Variants in NDRG3 observed in about 807,000 individuals in gnomAD.
The protein encoded by NDRG3 is NDRG family member 3, also known as protein NDRG3.
NDRG3 carries 23 observed loss-of-function variants against 57.2 expected under a neutral mutation model. That is an observed-to-expected ratio of 0.40 (90% CI 0.29 to 0.57). The LOEUF is 0.57. Among genes scored for constraint, NDRG3 ranks in the 20% least tolerant of loss-of-function variants. The probability of loss-of-function intolerance (pLI) is 0.42; values close to 1 mark genes in which losing one functional copy is unlikely to be tolerated. For synonymous variants in NDRG3, 132 were observed against 162.6 expected (o/e 0.81, Z 1.43); for missense variants, 384 against 457.3 (o/e 0.84, Z 1.46).
At chr20:36,671,424 G>A in intron 8 of NDRG3, 27 bp from the exon 9 acceptor site, 2 of 1,597,700 alleles carry the variant, frequency 1.3e-6, no homozygotes, top group Admixed American at 3.4e-5. Context: ...TCTGTGTTAA[G>A]AATGTAAGCA....
chr20:36,727,574 G>A (rs543070603), intron 1 of NDRG3, among the ~76,000 whole-genome samples: 12 of 135,552 alleles, frequency 8.9e-5, no homozygotes, highest in South Asian at 2.4e-4. Context: ...ACGGAGTCTC[G>A]CTCTGTCGCC....
At chr20:36,744,965 T>TC (rs1986111546) in intron 1 of NDRG3, among the ~76,000 whole-genome samples, 3 of 17,564 alleles carry the variant, frequency 1.7e-4, no homozygotes, top group South Asian at 2.2e-3. Context: ...AGGGCCAGGG[T>TC]AAGGGGGGGG....
chr20:36,739,441 C>T (rs1180800077), intron 1 of NDRG3, among the ~76,000 whole-genome samples: 1 of 141,068 alleles, frequency 7.1e-6, no homozygotes, highest in Non-Finnish European at 1.5e-5. Context: ...AGTGAGACTC[C>T]GCCTCAAAAA....
In NDRG3 at chr20:36,652,078, T is replaced by G. The variant is rs1662142480; in HGVS notation, c.*1442A>C. Reference sequence around the variant, plus strand: ...CCTGGACAGGGCTACCCCTACAGATTGGCCCTTTCTCTCCTACAAAAGGGA... The same window carrying G: ...CCTGGACAGGGCTACCCCTACAGATGGGCCCTTTCTCTCCTACAAAAGGGA... On this transcript the variant is annotated 3_prime_UTR_variant, in exon 16 of 16. Coordinates refer to ENST00000349004, the MANE Select transcript of NDRG3 (RefSeq NM_032013.4). 6.6e-6 allele frequency: 1 copy of G among 152,186 alleles called. No individual in the cohort carries two copies. The highest frequency in any genetic ancestry group is 1.5e-5 in the Non-Finnish European group (1 of 68,040). 9.4% of individuals were successfully genotyped at this position (152,186 alleles called of 1,614,324 possible).
chr20:36,680,497 A>C (rs1358543731), intron 8 of NDRG3, among the ~76,000 whole-genome samples: 1 of 152,014 alleles, frequency 6.6e-6, no homozygotes, highest in Non-Finnish European at 1.5e-5. Context: ...AAAAAAAAAA[A>C]AAATACAGTT....
intron 1 of NDRG3, among the ~76,000 whole-genome samples, chr20:36,723,659 A>AGTGTGT (rs36022065): frequency 0.056 from 7,391 of 132,806 alleles, 328 homozygotes; most frequent in African/African-American, 0.11. Flanking sequence ...ATATTAGTCT[A>AGTGTGT]GTGTGTGTGT....
In NDRG3 at chr20:36,733,100, T is replaced by C. The variant is rs370165529; in HGVS notation, c.-48-11317A>G. Among the ~76,000 whole-genome samples the C allele has an allele frequency of 1.0e-4, 14 of 134,028 alleles. No homozygotes were observed. In the East Asian group the frequency reaches 1.2e-3, roughly 12 times the overall value. 87.9% of individuals were successfully genotyped at this position (134,028 alleles called of 152,430 possible). Reference sequence around the variant, plus strand: ...AGGTGAAGGCTACAGCAAGCTGAGATTAAACCACTGCACTCCAGCCTGGGT... The same window carrying C: ...AGGTGAAGGCTACAGCAAGCTGAGACTAAACCACTGCACTCCAGCCTGGGT... On this transcript the variant is annotated intron_variant, in intron 1 of 15. Coordinates refer to ENST00000349004, the MANE Select transcript of NDRG3 (RefSeq NM_032013.4).
intron 13 of NDRG3, among the ~76,000 whole-genome samples, chr20:36,659,882 A>T (rs1016292438): frequency 1.3e-5 from 2 of 149,392 alleles, no homozygotes; most frequent in Admixed American, 6.7e-5. Flanking sequence ...TACAGGTGTG[A>T]GCCACCGCAC....
At chr20:36,657,112 C>T (rs1978741907) in intron 13 of NDRG3, among the ~76,000 whole-genome samples, 1 of 152,178 alleles carries the variant, frequency 6.6e-6, no homozygotes, top group Non-Finnish European at 1.5e-5. Flanking sequence ...CTGGAATTAC[C>T]TGAAGGACTT....
chr20:36,664,382 G>A (rs1048227282), intron 12 of NDRG3, among the ~76,000 whole-genome samples: 1 of 151,876 alleles, frequency 6.6e-6, no homozygotes, highest in Non-Finnish European at 1.5e-5. Flanking sequence ...TTTTATCCAA[G>A]TGCTATGTCC....
intron 1 of NDRG3, among the ~76,000 whole-genome samples, chr20:36,741,949 C>T (rs1304699441): frequency 2.6e-5 from 4 of 152,140 alleles, no homozygotes; most frequent in South Asian, 4.1e-4. Flanking sequence ...TTTTACTGTC[C>T]GTTAAACATG....
intron 3 of NDRG3, among the ~76,000 whole-genome samples, chr20:36,705,332 A>AG (rs1207565631): frequency 6.7e-6 from 1 of 150,124 alleles, no homozygotes; most frequent in Non-Finnish European, 1.5e-5. Flanking sequence ...AAAAAAAAAA[A>AG]AAAAGAAAAG....
chr20:36,699,842 C>T (rs923635585), intron 3 of NDRG3, among the ~76,000 whole-genome samples: 2 of 151,770 alleles, frequency 1.3e-5, no homozygotes, highest in African/African-American at 2.4e-5. Flanking sequence ...TGAGGGAGGC[C>T]GGGCACGGTG....
intron 1 of NDRG3, among the ~76,000 whole-genome samples, chr20:36,745,462 A>C (rs1986139392): frequency 6.6e-6 from 1 of 152,172 alleles, no homozygotes. Flanking sequence ...TGACCCTGCC[A>C]CTTGTCAGCT....
chr20:36,743,077 GGTA>G (rs1985994728), intron 1 of NDRG3, among the ~76,000 whole-genome samples: 1 of 152,138 alleles, frequency 6.6e-6, no homozygotes, highest in Non-Finnish European at 1.5e-5. Context: ...AGACTAAAGG[GGTA>G]TAAGCCTCAG....
chr20:36,685,742 C>T (rs1981729559), intron 5 of NDRG3, among the ~76,000 whole-genome samples: 1 of 152,228 alleles, frequency 6.6e-6, no homozygotes, highest in Non-Finnish European at 1.5e-5. Flanking sequence ...GGAGCGTTGG[C>T]TCACGCCTGT....
chr20:36,668,055 A>G (rs1979788819), intron 9 of NDRG3, among the ~76,000 whole-genome samples: 1 of 152,148 alleles, frequency 6.6e-6, no homozygotes, highest in South Asian at 2.1e-4. Context: ...GCGTGGGTTA[A>G]CATAGTGAGA....
Position 36,693,139 on chromosome 20 carries a change from T to C in NDRG3, c.94-4355A>G, listed in dbSNP as rs1342290151. Among the ~76,000 whole-genome samples, 41 of 46,992 alleles carry C rather than the reference T, an allele frequency of 8.7e-4. 1 individual carries two copies. The highest frequency in any genetic ancestry group is 4.1e-3 in the East Asian group (6 of 1,456). 30.8% of individuals were successfully genotyped at this position (46,992 alleles called of 152,430 possible). ...ATATATATATATATATATATATATA[T>C]ATACACACACACACATATACACATA... On this transcript the variant is annotated intron_variant, in intron 3 of 15. Coordinates refer to ENST00000349004, the MANE Select transcript of NDRG3 (RefSeq NM_032013.4).
chr20:36,678,411 G>A (rs1003364175), intron 8 of NDRG3, among the ~76,000 whole-genome samples: 2 of 152,208 alleles, frequency 1.3e-5, no homozygotes, highest in African/African-American at 2.4e-5. Context: ...GGCCGGGTGC[G>A]GTAGCTCACA....
Sources: gnomAD v4.1 joint callset for allele counts (sites outside exome capture counted in the v4.1 genomes callset) on GRCh38, gnomAD v4.1.1 for gene constraint, MANE v1.5 for transcripts, NCBI Gene and HGNC (gene_info 2026-07-23, HGNC 2026-07-21) for gene names.